TMEM132D: variants seen among roughly 807,000 people sequenced by gnomAD.
The protein encoded by TMEM132D is mature OL transmembrane protein.
TMEM132D carries 21 observed loss-of-function variants against 62.3 expected under a neutral mutation model. That is an observed-to-expected ratio of 0.34 (90% CI 0.24 to 0.49). The LOEUF (loss-of-function observed/expected upper bound fraction) is 0.49. TMEM132D is among the 20% of genes least tolerant of loss of function. TMEM132D has a pLI of 0.99. For missense variants in TMEM132D, 1,346 were observed against 1,402.8 expected (o/e 0.96, Z 0.65); for synonymous variants, 621 against 575.6 (o/e 1.08, Z -1.13).
intron 1 of TMEM132D, among the ~76,000 whole-genome samples, chr12:129,817,135 AGCAATAT>A (rs1466316122): frequency 6.6e-6 from 1 of 152,236 alleles, no homozygotes; most frequent in Non-Finnish European, 1.5e-5. Flanking sequence ...TAAGTTAATG[AGCAATAT>A]GCAATGGCTG....
intron 2 of TMEM132D, among the ~76,000 whole-genome samples, chr12:129,676,561 C>G (rs777947646): frequency 2.6e-5 from 4 of 152,186 alleles, no homozygotes; most frequent in Non-Finnish European, 4.4e-5. Flanking sequence ...CAGTGTTTCA[C>G]ATGGCGAGAG....
chr12:129,102,433 A>T (rs1875341089), intron 5 of TMEM132D, among the ~76,000 whole-genome samples: 1 of 151,212 alleles, frequency 6.6e-6, no homozygotes, highest in South Asian at 2.1e-4. Context: ...GCACACTGGC[A>T]TATGCACATA....
At chr12:129,532,603 G>A (rs550331964) in intron 2 of TMEM132D, among the ~76,000 whole-genome samples, 6 of 152,212 alleles carry the variant, frequency 3.9e-5, no homozygotes, top group African/African-American at 1.2e-4. Context: ...TGCTGGCAAG[G>A]GTGGCTGGGA....
At chr12:129,689,536 A>G (rs1453054409) in intron 2 of TMEM132D, among the ~76,000 whole-genome samples, 1 of 152,040 alleles carries the variant, frequency 6.6e-6, no homozygotes, top group Non-Finnish European at 1.5e-5. Context: ...CTGACTCCCA[A>G]TTCTTCCAGT....
At chr12:129,478,611 C>A (rs918298314) in intron 3 of TMEM132D, among the ~76,000 whole-genome samples, 11 of 152,196 alleles carry the variant, frequency 7.2e-5, no homozygotes, top group Non-Finnish European at 1.6e-4. Context: ...CACCCCATAT[C>A]CCAAACCCTC....
chr12:129,209,435 G>T, intron 5 of TMEM132D, 85 bp downstream of exon 5: 2 of 1,544,112 alleles, frequency 1.3e-6, no homozygotes, highest in Non-Finnish European at 8.8e-7. Flanking sequence ...AGGTCCCAGA[G>T]GTCCCAGAGG....
chr12:129,147,851 C>G (rs1203094385), intron 5 of TMEM132D, among the ~76,000 whole-genome samples: 2 of 152,246 alleles, frequency 1.3e-5, no homozygotes, highest in Non-Finnish European at 2.9e-5. Context: ...TCCTGCTACA[C>G]CAGATTTCCT....
In TMEM132D at chr12:129,776,705, T is replaced by C. The variant is rs111646011; in HGVS notation, c.80-76007A>G. Among the ~76,000 whole-genome samples, 70 of 18,442 alleles carry C rather than the reference T, an allele frequency of 3.8e-3. 1 individual carries two copies. The East Asian group carries it at 0.1, about 26-fold the overall frequency. 12.1% of individuals were successfully genotyped at this position (18,442 alleles called of 152,430 possible). A position where few individuals can be genotyped will look rare whatever the true frequency, so the allele number is the denominator to read the frequency against. ...AAAGACTGTGTTCCTTAACCATTTATGCAAGTTCTAGCTTCTTAACTAGGA... is the reference window on the plus strand; with the variant it reads ...AAAGACTGTGTTCCTTAACCATTTACGCAAGTTCTAGCTTCTTAACTAGGA... On this transcript the variant is annotated intron_variant, in intron 1 of 8. Transcript: ENST00000422113.
At chr12:129,092,936 T>TCA (rs1363771195) in intron 5 of TMEM132D, among the ~76,000 whole-genome samples, 1 of 152,208 alleles carries the variant, frequency 6.6e-6, no homozygotes. Context: ...CTTTAGCTCA[T>TCA]TATACTAGGC....
intron 2 of TMEM132D, among the ~76,000 whole-genome samples, chr12:129,647,047 G>T (rs545180584): frequency 6.6e-6 from 1 of 151,566 alleles, no homozygotes; most frequent in Non-Finnish European, 1.5e-5. Flanking sequence ...TGATCCACCT[G>T]CCTCGGCCTC....
chr12:129,626,092 A>G (rs1003884000), intron 2 of TMEM132D, among the ~76,000 whole-genome samples: 76 of 148,656 alleles, frequency 5.1e-4, no homozygotes, highest in African/African-American at 1.6e-3. Context: ...TGAGCTGGGA[A>G]AAAAAAAAAA....
intron 4 of TMEM132D, among the ~76,000 whole-genome samples, chr12:129,259,626 GA>G (rs1880500631): frequency 6.6e-6 from 1 of 152,136 alleles, no homozygotes; most frequent in Non-Finnish European, 1.5e-5. Context: ...TAGAGTCAGG[GA>G]TGGAGCTGGG....
At chr12:129,831,876 C>CTTTTTTTTTTTTTT (rs71085576) in intron 1 of TMEM132D, among the ~76,000 whole-genome samples, 1 of 134,898 alleles carries the variant, frequency 7.4e-6, no homozygotes, top group Non-Finnish European at 1.5e-5. Flanking sequence ...CTTTCTTTTT[C>CTTTTTTTTTTTTTT]TTTTTTTTTT....
chr12:129,751,675 A>G (rs1207823666), intron 1 of TMEM132D, among the ~76,000 whole-genome samples: 1 of 152,250 alleles, frequency 6.6e-6, no homozygotes, highest in Non-Finnish European at 1.5e-5. Context: ...TCACTCTGTG[A>G]TAAACTGCAA....
chr12:129,230,395 C>A (rs1481883992), intron 4 of TMEM132D, among the ~76,000 whole-genome samples: 2 of 152,334 alleles, frequency 1.3e-5, no homozygotes, highest in African/African-American at 4.8e-5. Flanking sequence ...GTCCTGTCCT[C>A]CAACCCCACT....
intron 4 of TMEM132D, among the ~76,000 whole-genome samples, chr12:129,255,380 G>T (rs1226573396): frequency 6.6e-6 from 1 of 152,144 alleles, no homozygotes; most frequent in Non-Finnish European, 1.5e-5. Context: ...TCCTTTTACT[G>T]ATGTGTTCAC....
intron 3 of TMEM132D, among the ~76,000 whole-genome samples, chr12:129,509,093 G>T (rs1357010042): frequency 6.6e-6 from 1 of 152,100 alleles, no homozygotes; most frequent in African/African-American, 2.4e-5. Flanking sequence ...TGAGCCAATT[G>T]AATGATTCAG....
intron 3 of TMEM132D, among the ~76,000 whole-genome samples, chr12:129,440,923 T>A (rs796626300): frequency 2.0e-5 from 3 of 152,336 alleles, no homozygotes; most frequent in Middle Eastern, 3.4e-3. Flanking sequence ...ATGTGAAGTC[T>A]TGCTCATGTG....
chr12:129,837,856 T>C (rs1461938579), intron 1 of TMEM132D, among the ~76,000 whole-genome samples: 1 of 152,198 alleles, frequency 6.6e-6, no homozygotes, highest in East Asian at 1.9e-4. Flanking sequence ...AATGAAAAAG[T>C]CAAATAAAAT....
Sources: gnomAD v4.1 joint callset for allele counts (sites outside exome capture counted in the v4.1 genomes callset) on GRCh38, gnomAD v4.1.1 for gene constraint, MANE v1.5 for transcripts, NCBI Gene and HGNC (gene_info 2026-07-23, HGNC 2026-07-21) for gene names.